SMAD4: variants seen among roughly 807,000 people sequenced by gnomAD.
SMAD4 encodes MAD homolog 4.
SMAD4 carries 7 observed loss-of-function variants against 63.2 expected under a neutral mutation model. The ratio of observed to expected loss-of-function variants is 0.11; its 90% CI spans 0.06 to 0.21. The LOEUF (loss-of-function observed/expected upper bound fraction) is 0.21. Among genes scored for constraint, SMAD4 ranks in the 10% least tolerant of loss-of-function variants. SMAD4 has a pLI of 1.00. For synonymous variants in SMAD4, 215 were observed against 235.4 expected, an observed-to-expected ratio of 0.91 and a Z score of 0.79; for missense variants, 312 against 693.8, an observed-to-expected ratio of 0.45 and a Z score of 6.18.
At chr18:51,060,594 C>T (rs907571685) in intron 8 of SMAD4, among the ~76,000 whole-genome samples, 17 of 152,078 alleles carry the variant, frequency 1.1e-4, no homozygotes, top group East Asian at 3.9e-4. Context: ...CTCAATTTTC[C>T]TCCTAATTAA....
rs1419101937 is a variant in SMAD4, at chr18:51,081,408, A to G, written c.*2941A>G. ...GGGAGTAGATCGTGGGATATAGTCT[A>G]TCTCATTTTTAATAGTTTACCGCCC... is the stretch of plus-strand genomic sequence containing the variant. On this transcript the variant is annotated 3_prime_UTR_variant, in exon 12 of 12. Transcript: ENST00000342988. 4.3e-6 allele frequency: 1 copy of G among 230,218 alleles called. No individual in the cohort carries two copies. The highest frequency in any genetic ancestry group is 6.2e-5 in the East Asian group (1 of 16,130). The allele number at this position is 230,218 out of a possible 1,614,324, so 14.3% of individuals were successfully genotyped here.
intron 1 of SMAD4, among the ~76,000 whole-genome samples, chr18:51,033,308 G>C (rs1329878370): frequency 2.0e-5 from 3 of 151,136 alleles, no homozygotes; most frequent in African/African-American, 4.9e-5. Flanking sequence ...TCCTGCGTCA[G>C]CCTCCTGAGT....
intron 5 of SMAD4, 52 bp from the exon 6 acceptor site, chr18:51,058,073 C>T (rs550600739): frequency 1.2e-6 from 2 of 1,606,768 alleles, no homozygotes; most frequent in East Asian, 4.5e-5. Flanking sequence ...TATATGAAAT[C>T]ATAAGATGAC....
chr18:51,032,739 G>C (rs116086479), intron 1 of SMAD4, among the ~76,000 whole-genome samples: 1,650 of 152,158 alleles, frequency 0.011, 36 homozygotes, highest in African/African-American at 0.037. Context: ...TTCTAATTGA[G>C]GTGTGAGTTA....
At chr18:51,040,847 T>C (rs1440959781) in intron 1 of SMAD4, among the ~76,000 whole-genome samples, 1 of 152,272 alleles carries the variant, frequency 6.6e-6, no homozygotes, top group Non-Finnish European at 1.5e-5. Context: ...TACCTGTATA[T>C]GTTAGTGCCT....
intron 1 of SMAD4, among the ~76,000 whole-genome samples, chr18:51,045,509 T>C (rs1909517064): frequency 6.6e-6 from 1 of 152,228 alleles, no homozygotes; most frequent in African/African-American, 2.4e-5. Context: ...TTTCTACCTG[T>C]TGAATGGATT....
chr18:51,050,469 C>G (rs543421310), intron 4 of SMAD4, among the ~76,000 whole-genome samples: 22 of 151,846 alleles, frequency 1.4e-4, no homozygotes, highest in African/African-American at 4.8e-4. Flanking sequence ...ACCATCCTGG[C>G]TAACACAGTG....
At chr18:51,056,620 CAAAAAAA>C (rs74178610) in intron 5 of SMAD4, among the ~76,000 whole-genome samples, 2 of 59,322 alleles carry the variant, frequency 3.4e-5, no homozygotes, top group African/African-American at 7.0e-5. Context: ...ACTCCATCTC[CAAAAAAA>C]AAAAAAAAAA....
At chr18:51,047,347 C>CT (rs1568203078) in intron 2 of SMAD4, 52 bp downstream of exon 2, 1 of 1,552,186 alleles carries the variant, frequency 6.4e-7, no homozygotes. Context: ...GATTTAAAAA[C>CT]TTGCTACGTT....
chr18:51,058,204 G>C lies in SMAD4; in HGVS notation c.747G>C (p.Gln249His), dbSNP rs372095620. 8.1e-5 allele frequency: 130 copies of C among 1,614,078 alleles called. No homozygotes were observed. Among genetic ancestry groups the C allele is most frequent in the Middle Eastern group, 6.6e-4 (4 of 6,084 alleles). Residue 249 changes from glutamine (Q) to histidine (H), a missense_variant, in exon 6 of 12, where the codon CAG becomes CAC. This residue lies in a region of SMAD4 where 169 missense variants were observed against 211.0 expected (regional missense o/e 0.80). Coordinates refer to ENST00000342988, the MANE Select transcript of SMAD4 (RefSeq NM_005359.6). ...QIASGPQPGQ[Q>H]QNGFTGQPAT... The stretch of plus-strand genomic sequence containing the variant: ...CATCAGGGCCTCAGCCAGGACAGCA[G>C]CAGAATGGATTTACTGGTCAGCCAG...
chr18:51,078,581 G>A lies in SMAD4; in HGVS notation c.*114G>A. The A allele has an allele frequency of 2.4e-6, 2 of 831,890 alleles. No individual in the cohort carries two copies. The highest frequency in any genetic ancestry group is 3.7e-6 in the Non-Finnish European group (2 of 533,544). 51.5% of individuals were successfully genotyped at this position (831,890 alleles called of 1,614,324 possible). A position where few individuals can be genotyped will look rare whatever the true frequency, so the allele number is the denominator to read the frequency against. Reference sequence around the variant, plus strand: ...TTGTTCTGCTTTATCTTTTCATAAAGGGTTGAAAATGTGTTTGCTGCCTTG... The same window carrying A: ...TTGTTCTGCTTTATCTTTTCATAAAAGGTTGAAAATGTGTTTGCTGCCTTG... On this transcript the variant is annotated 3_prime_UTR_variant, in exon 12 of 12. Transcript: ENST00000342988.
At chr18:51,072,687 C>T (rs908080816) in intron 10 of SMAD4, among the ~76,000 whole-genome samples, 2 of 152,174 alleles carry the variant, frequency 1.3e-5, no homozygotes, top group Non-Finnish European at 2.9e-5. Flanking sequence ...CTTTATGAGA[C>T]ACACATCTTT....
At chr18:51,049,123 A>G (rs1292873208) in intron 3 of SMAD4, among the ~76,000 whole-genome samples, 172 bp from the exon 4 acceptor site, 1 of 152,210 alleles carries the variant, frequency 6.6e-6, no homozygotes, top group Non-Finnish European at 1.5e-5. Context: ...AGCATTATAA[A>G]TTTGAATACT....
chr18:51,039,479 TCCCCCCCCCACCC>T (rs1267365553), intron 1 of SMAD4, among the ~76,000 whole-genome samples: 1 of 121,262 alleles, frequency 8.2e-6, no homozygotes, highest in Admixed American at 8.8e-5. Flanking sequence ...AAGAGGGCCT[TCCCCCCCCCACCC>T]CCCCACCCCC....
chr18:51,047,702 G>C (rs1004465034), intron 2 of SMAD4, among the ~76,000 whole-genome samples: 1 of 151,832 alleles, frequency 6.6e-6, no homozygotes, highest in Non-Finnish European at 1.5e-5. Flanking sequence ...TCCACCTCTT[G>C]GGTTCAAGCA....
intron 1 of SMAD4, among the ~76,000 whole-genome samples, chr18:51,039,548 C>T (rs1257397270): frequency 1.5e-5 from 2 of 131,644 alleles, no homozygotes; most frequent in Non-Finnish European, 1.6e-5. Flanking sequence ...ATGTCACTTG[C>T]CTGCCTTGCG....
chr18:51,064,350 A>G (rs1162173787), intron 8 of SMAD4, among the ~76,000 whole-genome samples: 1 of 152,128 alleles, frequency 6.6e-6, no homozygotes, highest in Non-Finnish European at 1.5e-5. Context: ...CTTCCCAATC[A>G]TCTGCTGTTC....
At chr18:51,053,594 T>A (rs1304254424) in intron 4 of SMAD4, 1 of 152,186 alleles carries the variant, frequency 6.6e-6, no homozygotes, top group Non-Finnish European at 1.5e-5. Context: ...TGAACATACT[T>A]CTTAAGAGGT....
At chr18:51,069,687 G>C (rs1235307227) in intron 10 of SMAD4, among the ~76,000 whole-genome samples, 1 of 152,170 alleles carries the variant, frequency 6.6e-6, no homozygotes, top group Non-Finnish European at 1.5e-5. Flanking sequence ...CCTAATTCCT[G>C]ATTGCCTAGA....
Sources: gnomAD v4.1 joint callset for allele counts (sites outside exome capture counted in the v4.1 genomes callset) on GRCh38, gnomAD v4.1.1 for gene constraint, gnomAD v4.1.1 regional missense constraint, MANE v1.5 for transcripts, NCBI Gene and HGNC (gene_info 2026-07-23, HGNC 2026-07-21) for gene names.